GALNS: variants seen among roughly 807,000 people sequenced by gnomAD.
GALNS encodes galactosamine (N-acetyl)-6-sulfatase, also known as N-acetylgalactosamine-6-sulfatase.
In GALNS, 65 loss-of-function variants were observed where a neutral mutation model predicts 65.9. The ratio of observed to expected loss-of-function variants is 0.99; its 90% CI spans 0.81 to 1.21. The LOEUF is 1.21. GALNS is among the 50% of genes most tolerant of loss of function. The pLI is 0.00. For synonymous variants in GALNS, 346 were observed against 288.9 expected (o/e 1.20, Z -2.00); for missense variants, 776 against 700.7 (o/e 1.11, Z -1.21).
chr16:88,842,170 G>C, intron 2 of GALNS, 199 bp from the exon 3 acceptor site: 3 of 672,574 alleles, frequency 4.5e-6, no homozygotes, highest in Non-Finnish European at 8.1e-6. Flanking sequence ...ACTGAAAGAC[G>C]CGTGGCCCTT....
intron 9 of GALNS, 67 bp from the exon 10 acceptor site, chr16:88,826,905 C>T (rs1910989174): frequency 1.9e-6 from 3 of 1,540,024 alleles, no homozygotes; most frequent in Middle Eastern, 2.2e-4. Flanking sequence ...GGGGCCAATC[C>T]CTGGGGGGGC....
chr16:88,830,924 ACACTCAGC>A (rs1911437248), intron 9 of GALNS, among the ~76,000 whole-genome samples: 1 of 152,154 alleles, frequency 6.6e-6, no homozygotes, highest in African/African-American at 2.4e-5. Context: ...AGGTTTTTAA[ACACTCAGC>A]CTGCTCTAAG....
chr16:88,831,987 C>T lies in GALNS; in HGVS notation c.1002+11G>A, dbSNP rs777624961. ...ACCTGCTGCCCGGCAGACCGGTGGACGCTGACTCACCTGGCCTGCAGTGAC... is the reference window on the plus strand; with the variant it reads ...ACCTGCTGCCCGGCAGACCGGTGGATGCTGACTCACCTGGCCTGCAGTGAC... On this transcript the variant is annotated intron_variant, in intron 9 of 13. Coordinates refer to ENST00000268695, the MANE Select transcript of GALNS (RefSeq NM_000512.5). The T allele has an allele frequency of 1.3e-5, 21 of 1,610,314 alleles. No homozygotes were observed. The highest frequency in any genetic ancestry group is 6.7e-5 in the Admixed American group (4 of 59,934).
In GALNS at chr16:88,823,454, C is replaced by T. The variant is rs537465267; in HGVS notation, c.1243-744G>A. On this transcript the variant is annotated intron_variant, in intron 11 of 13. Coordinates refer to ENST00000268695, the MANE Select transcript of GALNS (RefSeq NM_000512.5). ...GGTGCTGCAGGCCAAGGGGCTCGTCCGAGGACTGTGCCCAGGACGGCCCTC... is the reference window on the plus strand; with the variant it reads ...GGTGCTGCAGGCCAAGGGGCTCGTCTGAGGACTGTGCCCAGGACGGCCCTC... Among the ~76,000 whole-genome samples, 56 of 152,348 alleles carry T rather than the reference C, an allele frequency of 3.7e-4. 1 individual carries two copies. Among genetic ancestry groups the T allele is most frequent in the African/African-American group, 1.2e-3 (48 of 41,574 alleles).
In GALNS at chr16:88,837,957, G is replaced by A. The variant is rs1482977017; in HGVS notation, c.423-192C>T. The A allele has an allele frequency of 9.9e-6, 6 of 607,914 alleles. No homozygotes were observed. In the East Asian group the frequency reaches 1.4e-4, roughly 14 times the overall value. 37.7% of individuals were successfully genotyped at this position (607,914 alleles called of 1,614,324 possible). ...CCCGAGGAGGGTGCTGGCACTGCCC[G>A]CCTACCCTGCAGAGCGTCTGGGCAC... On this transcript the variant is annotated intron_variant, in intron 4 of 13. Transcript: ENST00000268695.
intron 1 of GALNS, 144 bp downstream of exon 1, chr16:88,856,614 C>G: frequency 9.0e-6 from 5 of 553,928 alleles, no homozygotes; most frequent in South Asian, 8.7e-5. Context: ...CCTCCCCGCG[C>G]GGGGCCTCCC....
chr16:88,817,390 G>A, intron 13 of GALNS: 1 of 985,460 alleles, frequency 1.0e-6, no homozygotes, highest in Non-Finnish European at 1.2e-6. Flanking sequence ...TTGTCAGGCT[G>A]CACGGAGGTG....
Position 88,846,554 on chromosome 16 carries a change from T to C in GALNS, c.121-3725A>G, listed in dbSNP as rs372355054. On this transcript the variant is annotated intron_variant, in intron 1 of 13. Transcript: ENST00000268695. ...TTTTTGAGACGAAGTCTTGCTGTTG[T>C]CGCCCAGGCTGGAGGGCACAATCTC... Among the ~76,000 whole-genome samples the C allele has an allele frequency of 2.1e-4, 31 of 147,016 alleles. No homozygotes were observed. In the East Asian group the frequency reaches 3.8e-3, roughly 18 times the overall value.
intron 1 of GALNS, among the ~76,000 whole-genome samples, chr16:88,850,729 G>C (rs949870501): frequency 4.6e-5 from 7 of 152,238 alleles, no homozygotes; most frequent in African/African-American, 1.7e-4. Flanking sequence ...GGGACGCTCG[G>C]GCTGCGAGCA....
chr16:88,835,417 A>G, intron 7 of GALNS, 65 bp from the exon 8 acceptor site: 1 of 1,590,612 alleles, frequency 6.3e-7, no homozygotes, highest in East Asian at 2.2e-5. Flanking sequence ...TCAGGCAGCC[A>G]ACGGCATACT....
At chr16:88,849,792 G>C (rs1034319478) in intron 1 of GALNS, among the ~76,000 whole-genome samples, 9 of 152,250 alleles carry the variant, frequency 5.9e-5, no homozygotes, top group Non-Finnish European at 1.2e-4. Flanking sequence ...AATGAAAGGA[G>C]GACCTAGAGA....
rs1014734597 is a variant in GALNS at position 88,824,924 on chromosome 16, C to G, written c.1140-55G>C. ...TGACAGGAAGGACACGCTGGGGCCA[C>G]CTGGAGGCTCTGGGCTGCGTCTGTC... On this transcript the variant is annotated intron_variant, in intron 10 of 13. Coordinates refer to ENST00000268695, the MANE Select transcript of GALNS (RefSeq NM_000512.5). 3 of 1,446,294 alleles carry G rather than the reference C, an allele frequency of 2.1e-6. No homozygotes were observed. In the South Asian group the frequency reaches 3.4e-5, roughly 17 times the overall value. 89.6% of individuals were successfully genotyped at this position (1,446,294 alleles called of 1,614,324 possible). A position where few individuals can be genotyped will look rare whatever the true frequency, so the allele number is the denominator to read the frequency against.
At chr16:88,821,762 G>A (rs537195297) in intron 12 of GALNS, among the ~76,000 whole-genome samples, 86 of 152,310 alleles carry the variant, frequency 5.6e-4, no homozygotes, top group Admixed American at 9.8e-4. Flanking sequence ...AGAAAGCCTG[G>A]GCAGGGAGCA....
In GALNS at chr16:88,835,826, T is replaced by C. The variant is rs369284076; in HGVS notation, c.657A>G (p.Arg219=). Residue 219 remains arginine, a synonymous_variant, in exon 7 of 14, where the codon AGA becomes AGG. Coordinates refer to ENST00000268695, the MANE Select transcript of GALNS (RefSeq NM_000512.5). The part of the protein sequence containing the change: ...YLQEALDFIK[R]QARHHPFFLY... ...GGAAAAAGGGGTGGTGCCGTGCCTG[T>C]CTCTTAATGAAGTCCAGGGCTTCCT... The C allele has an allele frequency of 8.7e-6, 14 of 1,614,002 alleles. No homozygotes were observed. The highest frequency in any genetic ancestry group is 1.2e-5 in the Non-Finnish European group (14 of 1,180,014).
rs1237852382 is a variant in GALNS at position 88,842,819 on chromosome 16, C to A, written c.131G>T (p.Gly44Val). The change falls in exon 2 of 14, where the codon GGT becomes GTT. Residue 44 changes from glycine (G) to valine (V), a missense_variant. Coordinates refer to ENST00000268695, the MANE Select transcript of GALNS (RefSeq NM_000512.5). Reference sequence around the variant, plus strand: ...GGGCTCTCCATACACCCCGAGGTCACCCCATCCCATCTGCAGGGAAGAGCA... The same window carrying A: ...GGGCTCTCCATACACCCCGAGGTCAACCCATCCCATCTGCAGGGAAGAGCA... ...LLLLMDDMGW[G>V]DLGVYGEPSR... is the part of the protein sequence containing the mutation. 5.0e-6 allele frequency: 8 copies of A among 1,613,418 alleles called. No individual in the cohort carries two copies. The highest frequency in any genetic ancestry group is 5.9e-6 in the Non-Finnish European group (7 of 1,179,982).
intron 13 of GALNS, among the ~76,000 whole-genome samples, 182 bp downstream of exon 13, chr16:88,817,825 G>A (rs1379563130): frequency 6.6e-6 from 1 of 152,338 alleles, no homozygotes; most frequent in East Asian, 1.9e-4. Flanking sequence ...CGAGTCGCTT[G>A]GCTCCTGCCT....
At chr16:88,835,603 G>T in intron 7 of GALNS, 122 bp downstream of exon 7, 1 of 1,476,056 alleles carries the variant, frequency 6.8e-7, no homozygotes, top group South Asian at 1.1e-5. Context: ...CTTCAAAGGG[G>T]TGGGGTTGCT....
At chr16:88,855,748 C>A in intron 1 of GALNS, 1 of 554,292 alleles carries the variant, frequency 1.8e-6, no homozygotes, top group Non-Finnish European at 3.2e-6. Flanking sequence ...CCTTCCAATT[C>A]CGACAGCCAC....
chr16:88,833,427 C>CCTT (rs66486118), intron 8 of GALNS, among the ~76,000 whole-genome samples: 44,903 of 150,094 alleles, frequency 0.3, 7,187 homozygotes, highest in East Asian at 0.56. Flanking sequence ...TCCCTCCCTC[C>CCTT]CTTTCTTTCC....
Sources: gnomAD v4.1 joint callset for allele counts (sites outside exome capture counted in the v4.1 genomes callset) on GRCh38, gnomAD v4.1.1 for gene constraint, MANE v1.5 for transcripts, NCBI Gene and HGNC (gene_info 2026-07-23, HGNC 2026-07-21) for gene names.